The following MKLN1 variants were observed in gnomAD, a reference collection of about 807,000 sequenced individuals.
The protein encoded by MKLN1 is muskelin 1.
Under a neutral mutation model 99.0 loss-of-function variants are expected in MKLN1, and 18 were observed. That is an observed-to-expected ratio of 0.18 (90% CI 0.13 to 0.27). MKLN1 has a LOEUF of 0.27. MKLN1 is among the 10% of genes least tolerant of loss of function. The pLI, the probability that MKLN1 is intolerant of heterozygous loss-of-function variation, is 1.00. For missense variants in MKLN1, 621 were observed against 875.9 expected, an observed-to-expected ratio of 0.71 and a Z score of 3.67; for synonymous variants, 288 against 293.2, an observed-to-expected ratio of 0.98 and a Z score of 0.18.
chr7:131,418,272 G>A (rs757673880), intron 8 of MKLN1, among the ~76,000 whole-genome samples: 6 of 151,784 alleles, frequency 4.0e-5, no homozygotes, highest in Non-Finnish European at 8.8e-5. Context: ...GGGGGGCCGA[G>A]GCAGGAGAAT....
chr7:131,348,262 T>A (rs1224657055), intron 1 of MKLN1, among the ~76,000 whole-genome samples: 1 of 152,142 alleles, frequency 6.6e-6, no homozygotes, highest in Non-Finnish European at 1.5e-5. Flanking sequence ...ATGTTCTAGG[T>A]GTTAATTTAT....
chr7:131,259,618 C>G (rs1284133008), intron 3 of MKLN1, among the ~76,000 whole-genome samples: 4 of 152,100 alleles, frequency 2.6e-5, no homozygotes, highest in African/African-American at 9.7e-5. Context: ...TCAAGAGAAT[C>G]AAATACTCAT....
At chr7:131,160,492 A>AATTATTATTATTATT (rs60725549) in intron 2 of MKLN1, among the ~76,000 whole-genome samples, 3 of 138,982 alleles carry the variant, frequency 2.2e-5, no homozygotes, top group African/African-American at 5.3e-5. Context: ...TATTATTATT[A>AATTATTATTATTATT]ATTATTATTA....
At chr7:131,268,820 G>A (rs7797642) in intron 3 of MKLN1, among the ~76,000 whole-genome samples, 149,932 of 152,346 alleles carry the variant, frequency 0.98, 73,828 homozygotes, top group East Asian at 1. Flanking sequence ...GTTCTTGTAT[G>A]TCGTCAAAGA....
intron 1 of MKLN1, among the ~76,000 whole-genome samples, chr7:131,120,342 C>T (rs568158463): frequency 1.8e-3 from 265 of 150,584 alleles, no homozygotes; most frequent in African/African-American, 5.9e-3. Flanking sequence ...TGGCTAACAA[C>T]GGTGAAACCC....
intron 3 of MKLN1, among the ~76,000 whole-genome samples, chr7:131,245,242 G>A (rs1195479802): frequency 1.3e-5 from 2 of 151,472 alleles, no homozygotes; most frequent in African/African-American, 4.9e-5. Context: ...ATGTACAATG[G>A]TGATCCCATA....
intron 3 of MKLN1, among the ~76,000 whole-genome samples, chr7:131,283,679 C>T (rs1242573012): frequency 1.3e-5 from 2 of 152,074 alleles, no homozygotes; most frequent in African/African-American, 2.4e-5. Context: ...AAGCTGTCTG[C>T]GCATCTTGGC....
chr7:131,409,825 G>C (rs1419091339), intron 6 of MKLN1, among the ~76,000 whole-genome samples: 2 of 152,146 alleles, frequency 1.3e-5, no homozygotes, highest in Admixed American at 6.6e-5. Context: ...AGGTAAGGCA[G>C]ATTTCATGGT....
intron 3 of MKLN1, among the ~76,000 whole-genome samples, chr7:131,222,904 T>C (rs1160457640): frequency 6.7e-6 from 1 of 150,188 alleles, no homozygotes; most frequent in Non-Finnish European, 1.5e-5. Flanking sequence ...TAGCCATGCA[T>C]GGTGGTGCGC....
chr7:131,268,725 A>G (rs1053383334), intron 3 of MKLN1, among the ~76,000 whole-genome samples: 12 of 152,202 alleles, frequency 7.9e-5, no homozygotes, highest in Non-Finnish European at 1.5e-4. Context: ...GAGGCTAGGA[A>G]GTACAGTCTA....
chr7:131,118,566 A>G (rs1036258753), intron 1 of MKLN1, among the ~76,000 whole-genome samples: 3 of 142,906 alleles, frequency 2.1e-5, no homozygotes, highest in Admixed American at 7.0e-5. Flanking sequence ...AAAAAAAAAA[A>G]GAAAGAAAGA....
At chr7:131,219,020 GA>G (rs1797024812) in intron 3 of MKLN1, among the ~76,000 whole-genome samples, 1 of 152,150 alleles carries the variant, frequency 6.6e-6, no homozygotes, top group African/African-American at 2.4e-5. Context: ...CTTAGGAACA[GA>G]AAGCAGAATG....
chr7:131,158,563 C>T (rs747013795), intron 2 of MKLN1, among the ~76,000 whole-genome samples: 41 of 152,272 alleles, frequency 2.7e-4, no homozygotes, highest in South Asian at 1.4e-3. Flanking sequence ...AAAGGTGACC[C>T]GCAGTCACAT....
chr7:131,252,441 G>A lies in MKLN1; in HGVS notation c.-179+49467G>A, dbSNP rs1380332927. On this transcript the variant is annotated intron_variant, in intron 3 of 7. Transcript: ENST00000416992. The stretch of plus-strand genomic sequence containing the variant: ...CTTCCTGGGTTCATGTGATTCTTCT[G>A]CCTCAGCCTCCCGAGTAGCTGGGAC... Among the ~76,000 whole-genome samples the A allele has an allele frequency of 4.8e-5, 7 of 144,948 alleles. 1 individual carries two copies. Among genetic ancestry groups the A allele is most frequent in the Admixed American group, 1.5e-4 (2 of 13,594 alleles).
intron 3 of MKLN1, among the ~76,000 whole-genome samples, chr7:131,208,940 TAG>T (rs1796858789): frequency 6.6e-6 from 1 of 152,204 alleles, no homozygotes; most frequent in African/African-American, 2.4e-5. Context: ...AGTGAAGTGA[TAG>T]ATGACAAGCT....
chr7:131,451,366 T>A (rs1194030865), intron 12 of MKLN1, among the ~76,000 whole-genome samples: 1 of 152,144 alleles, frequency 6.6e-6, no homozygotes, highest in African/African-American at 2.4e-5. Context: ...AAAATTATAT[T>A]TACAATGTGA....
At chr7:131,257,151 C>A (rs1206545696) in intron 3 of MKLN1, among the ~76,000 whole-genome samples, 8 of 152,066 alleles carry the variant, frequency 5.3e-5, no homozygotes, top group Admixed American at 5.2e-4. Context: ...ATGCTCCAAC[C>A]AACAACAGCA....
intron 3 of MKLN1, among the ~76,000 whole-genome samples, chr7:131,241,445 G>A (rs969159861): frequency 4.0e-5 from 6 of 150,614 alleles, no homozygotes; most frequent in African/African-American, 1.2e-4. Flanking sequence ...GGTGGCTCAC[G>A]CCTGTAATTC....
intron 3 of MKLN1, among the ~76,000 whole-genome samples, chr7:131,270,390 T>G (rs969191588): frequency 3.3e-5 from 5 of 152,178 alleles, no homozygotes; most frequent in Non-Finnish European, 7.4e-5. Flanking sequence ...CCAGCTAAGT[T>G]TTGTGTTTTT....
Sources: allele counts gnomAD v4.1 joint callset (sites outside exome capture counted in the v4.1 genomes callset), GRCh38; gene constraint gnomAD v4.1.1; transcripts MANE v1.5; gene names NCBI Gene and HGNC (gene_info 2026-07-23, HGNC 2026-07-21).